METTL15: variants seen among roughly 807,000 people sequenced by gnomAD.
METTL15 encodes methyltransferase 15, mitochondrial 12S rRNA N4-cytidine, also known as 12S rRNA N(4)-cytidine methyltransferase METTL15.
In METTL15, 34 loss-of-function variants were observed where a neutral mutation model predicts 38.3. That is an observed-to-expected ratio of 0.89 (90% CI 0.68 to 1.18). METTL15 has a LOEUF of 1.18. Among genes scored for constraint, METTL15 ranks in the 50% most tolerant of loss-of-function variants. METTL15 has a pLI of 0.00. For synonymous variants in METTL15, 162 were observed against 170.9 expected, an observed-to-expected ratio of 0.95 and a Z score of 0.41; for missense variants, 438 against 498.4, an observed-to-expected ratio of 0.88 and a Z score of 1.15.
intron 6 of METTL15, among the ~76,000 whole-genome samples, chr11:28,457,697 C>T (rs766199690): frequency 6.6e-6 from 1 of 152,274 alleles, no homozygotes; most frequent in Non-Finnish European, 1.5e-5. Context: ...GTCATCAGGC[C>T]GTCATCAGGG....
At chr11:28,220,923 G>C (rs1853180242) in intron 4 of METTL15, among the ~76,000 whole-genome samples, 2 of 152,230 alleles carry the variant, frequency 1.3e-5, no homozygotes, top group African/African-American at 4.8e-5. Context: ...GTTTTGCGGA[G>C]AGATCAACTG....
chr11:28,492,837 G>A (rs1267240388), intron 6 of METTL15, among the ~76,000 whole-genome samples: 3 of 152,100 alleles, frequency 2.0e-5, no homozygotes, highest in African/African-American at 7.2e-5. Flanking sequence ...AATGATAGTT[G>A]AAGATCAGTA....
chr11:28,394,977 C>T (rs1850553530), intron 5 of METTL15, among the ~76,000 whole-genome samples: 1 of 152,068 alleles, frequency 6.6e-6, no homozygotes, highest in Non-Finnish European at 1.5e-5. Context: ...CCCTACTATA[C>T]ACAACCGTTT....
At chr11:28,149,531 T>A (rs141105650) in intron 3 of METTL15, among the ~76,000 whole-genome samples, 63 of 152,074 alleles carry the variant, frequency 4.1e-4, no homozygotes, top group African/African-American at 1.5e-3. Context: ...CTTTGCAGGT[T>A]ACCTTTCCTT....
At chr11:28,496,545 T>G (rs1178460665) in intron 6 of METTL15, among the ~76,000 whole-genome samples, 1 of 152,232 alleles carries the variant, frequency 6.6e-6, no homozygotes, top group East Asian at 1.9e-4. Flanking sequence ...GGTTGTGGCT[T>G]CTGCTGCCAT....
At chr11:28,236,046 C>T (rs1853949085) in intron 4 of METTL15, among the ~76,000 whole-genome samples, 1 of 152,202 alleles carries the variant, frequency 6.6e-6, no homozygotes, top group Admixed American at 6.5e-5. Context: ...AAGGCCTTTT[C>T]TGCATGTATT....
intron 6 of METTL15, among the ~76,000 whole-genome samples, chr11:28,448,583 C>T (rs1851093844): frequency 6.6e-6 from 1 of 152,128 alleles, no homozygotes. Context: ...TTCCACCAAT[C>T]TCATCTTGCT....
chr11:28,151,006 CAAAAAAAAAA>C (rs34906623), intron 3 of METTL15, among the ~76,000 whole-genome samples: 1 of 84,534 alleles, frequency 1.2e-5, no homozygotes, highest in East Asian at 3.0e-4. Flanking sequence ...CAACAGTGAC[CAAAAAAAAAA>C]AAAAAAAAAG....
chr11:28,189,842 G>A (rs971618798), intron 3 of METTL15, among the ~76,000 whole-genome samples: 1 of 151,170 alleles, frequency 6.6e-6, no homozygotes, highest in Non-Finnish European at 1.5e-5. Flanking sequence ...CAAAATGAAG[G>A]AAGTAAGTTG....
intron 4 of METTL15, among the ~76,000 whole-genome samples, chr11:28,239,060 C>T (rs139161007): frequency 6.6e-6 from 1 of 152,032 alleles, no homozygotes; most frequent in Non-Finnish European, 1.5e-5. Context: ...CTACAGGCCT[C>T]TTTTCTATTT....
intron 5 of METTL15, among the ~76,000 whole-genome samples, chr11:28,372,450 CTTTTT>C (rs56304548): frequency 7.9e-5 from 8 of 101,576 alleles, no homozygotes; most frequent in Non-Finnish European, 1.6e-4. Flanking sequence ...TTGTTGTGTT[CTTTTT>C]TTTTTTTTTT....
chr11:28,118,567 G>GA (rs1227509674), intron 3 of METTL15, among the ~76,000 whole-genome samples: 3 of 151,558 alleles, frequency 2.0e-5, no homozygotes, highest in Admixed American at 1.3e-4. Context: ...GAAAACTGGA[G>GA]AAAAAAAAGT....
At chr11:28,435,465 C>T (rs1850974038) in intron 6 of METTL15, among the ~76,000 whole-genome samples, 1 of 152,116 alleles carries the variant, frequency 6.6e-6, no homozygotes, top group South Asian at 2.1e-4. Context: ...TTCTTTGATT[C>T]GTTCTGCTTT....
intron 3 of METTL15, among the ~76,000 whole-genome samples, chr11:28,131,404 C>T (rs938763526): frequency 6.6e-6 from 1 of 152,034 alleles, no homozygotes; most frequent in South Asian, 2.1e-4. Context: ...CCGGTGGCCC[C>T]AGTGAGAATT....
chr11:28,297,926 C>A (rs1856795061), intron 6 of METTL15, among the ~76,000 whole-genome samples: 1 of 151,836 alleles, frequency 6.6e-6, no homozygotes, highest in Admixed American at 6.6e-5. Flanking sequence ...ATTATAAATT[C>A]ATTTAGATCA....
chr11:28,174,829 A>T (rs867438871), intron 3 of METTL15, among the ~76,000 whole-genome samples: 15 of 145,082 alleles, frequency 1.0e-4, no homozygotes, highest in South Asian at 6.8e-4. Flanking sequence ...AAAAAAAAAA[A>T]ACATAAAAAA....
chr11:28,468,069 C>T (rs1007730465), intron 6 of METTL15, among the ~76,000 whole-genome samples: 1 of 1,014 alleles, frequency 9.9e-4, no homozygotes, highest in South Asian at 0.5. Flanking sequence ...CACATCTCAG[C>T]CATTTTTGTT....
At chr11:28,188,590 G>A (rs1227582367) in intron 3 of METTL15, among the ~76,000 whole-genome samples, 1 of 151,176 alleles carries the variant, frequency 6.6e-6, no homozygotes, top group Admixed American at 6.6e-5. Flanking sequence ...AAACAGGAAG[G>A]TATGTACTAT....
chr11:28,339,739 C>T (rs554176531), intron 3 of METTL15, among the ~76,000 whole-genome samples: 3 of 151,974 alleles, frequency 2.0e-5, no homozygotes, highest in Admixed American at 2.0e-4. Context: ...TTTCTAGGAA[C>T]AGCATAGTAA....
Sources: allele counts gnomAD v4.1 joint callset (sites outside exome capture counted in the v4.1 genomes callset), GRCh38; gene constraint gnomAD v4.1.1; transcripts MANE v1.5; gene names NCBI Gene and HGNC (gene_info 2026-07-23, HGNC 2026-07-21).